FBXW11: variants seen among roughly 807,000 people sequenced by gnomAD.
FBXW11 encodes F-box/WD repeat-containing protein 11.
In FBXW11, 19 loss-of-function variants were observed where a neutral mutation model predicts 77.6. The ratio of observed to expected loss-of-function variants is 0.24; its 90% confidence interval spans 0.17 to 0.36. The LOEUF is 0.36. Ranked by LOEUF, FBXW11 falls within the 10% of genes least tolerant of loss-of-function variation. The probability of loss-of-function intolerance (pLI) is 1.00; values close to 1 mark genes in which losing one functional copy is unlikely to be tolerated. For missense variants in FBXW11, 334 were observed against 704.2 expected, an observed-to-expected ratio of 0.47 and a Z score of 5.95; for synonymous variants, 235 against 249.4, an observed-to-expected ratio of 0.94 and a Z score of 0.54.
At chr5:171,885,702 G>T (rs1265499598) in intron 7 of FBXW11, among the ~76,000 whole-genome samples, 2 of 152,098 alleles carry the variant, frequency 1.3e-5, no homozygotes, top group Non-Finnish European at 2.9e-5. Flanking sequence ...TTCAAAGATT[G>T]AACTATTTAA....
At chr5:171,973,303 T>G (rs1764636829) in intron 1 of FBXW11, among the ~76,000 whole-genome samples, 1 of 151,952 alleles carries the variant, frequency 6.6e-6, no homozygotes, top group Non-Finnish European at 1.5e-5. Context: ...CTTCAATAAA[T>G]AAATGGCAAG....
chr5:171,920,925 C>G (rs373575131), intron 2 of FBXW11, among the ~76,000 whole-genome samples: 3 of 151,968 alleles, frequency 2.0e-5, no homozygotes, highest in East Asian at 1.9e-4. Context: ...TATATAAAAC[C>G]AAACAAAACC....
At chr5:171,966,872 G>GTAC (rs1561731027) in intron 1 of FBXW11, among the ~76,000 whole-genome samples, 2 of 152,074 alleles carry the variant, frequency 1.3e-5, no homozygotes, top group Non-Finnish European at 2.9e-5. Flanking sequence ...TGGCTATACC[G>GTAC]TACTCATTAA....
In FBXW11 at chr5:171,876,204, G is replaced by C. The variant is rs1001779542; in HGVS notation, c.1221+81C>G. The C allele has an allele frequency of 2.6e-6, 4 of 1,532,612 alleles. No individual in the cohort carries two copies. The African/African-American group carries it at 5.4e-5, about 21-fold the overall frequency. The allele number at this position is 1,532,612 out of a possible 1,614,324, so 94.9% of individuals were successfully genotyped here. On this transcript the variant is annotated intron_variant, in intron 9 of 13. Coordinates refer to ENST00000517395, the MANE Select transcript of FBXW11 (RefSeq NM_001378974.1). The surrounding 1 kb of genome is among the most constrained non-coding windows in gnomAD (Gnocchi z 4.2). Reference sequence around the variant, plus strand: ...AGAATAAAGATCTTGCCAGGTACCAGGTTGGTATAAGCCACCTCTGCTTTG... The same window carrying C: ...AGAATAAAGATCTTGCCAGGTACCACGTTGGTATAAGCCACCTCTGCTTTG...
In FBXW11 at chr5:171,890,791, G is replaced by C. The variant is rs1027041268; in HGVS notation, c.852+676C>G. On this transcript the variant is annotated intron_variant, in intron 7 of 13. Transcript: ENST00000517395. ...AAAAGCCCAGGATAAGAAACGGGCA[G>C]GACAAGGGAATTGGGGGAATGAGAG... is the stretch of plus-strand genomic sequence containing the variant. Among the ~76,000 whole-genome samples, 7 of 152,198 alleles carry C rather than the reference G, an allele frequency of 4.6e-5. No homozygotes were observed. The East Asian group carries it at 5.8e-4, about 13-fold the overall frequency.
At chr5:171,890,387 G>T (rs1007818740) in intron 7 of FBXW11, among the ~76,000 whole-genome samples, 2 of 151,678 alleles carry the variant, frequency 1.3e-5, no homozygotes, top group Non-Finnish European at 2.9e-5. Flanking sequence ...GCTGGGCGTG[G>T]TGCCACATGC....
At chr5:171,990,172 T>TA (rs1287376424) in intron 1 of FBXW11, among the ~76,000 whole-genome samples, 1 of 147,734 alleles carries the variant, frequency 6.8e-6, no homozygotes, top group Non-Finnish European at 1.5e-5. Context: ...GGGAGGGGGG[T>TA]AGCAGAGAAA....
chr5:171,972,996 C>T (rs890144219), intron 1 of FBXW11, among the ~76,000 whole-genome samples: 12 of 152,174 alleles, frequency 7.9e-5, no homozygotes, highest in East Asian at 3.8e-4. Context: ...CTCAGAAGAA[C>T]GCATATGCAC....
At position 171,904,939 on chromosome 5, in the gene FBXW11, T is replaced by C. The variant is rs183663535; in HGVS notation, c.437-4839A>G. 3.9e-4 allele frequency among the ~76,000 whole-genome samples: 59 copies of C among 152,294 alleles called. No homozygotes were observed. Among genetic ancestry groups the C allele is most frequent in the African/African-American group, 1.3e-3 (56 of 41,584 alleles). On this transcript the variant is annotated intron_variant, in intron 4 of 13. Coordinates refer to ENST00000517395, the MANE Select transcript of FBXW11 (RefSeq NM_001378974.1). This position sits in a 1 kb window ranked among gnomAD's most constrained non-coding sequence, Gnocchi z 4.0. ...ATTAGGAACTATTGGTTTATAGCAA[T>C]GATATCCCTTTTAGTCCTCTTTGAT... is the stretch of plus-strand genomic sequence containing the variant.
At position 171,878,553 on chromosome 5, in the gene FBXW11, A is replaced by AGTGTGTGTGTGTGT. The variant is rs34933781; in HGVS notation, c.853-425_853-424insACACACACACACAC. Among the ~76,000 whole-genome samples, 982 of 105,434 alleles carry AGTGTGTGTGTGTGT rather than the reference A, an allele frequency of 9.3e-3. 32 individuals are homozygous for AGTGTGTGTGTGTGT. Among genetic ancestry groups the AGTGTGTGTGTGTGT allele is most frequent in the African/African-American group, 0.029 (791 of 27,544 alleles). 69.2% of individuals were successfully genotyped at this position (105,434 alleles called of 152,430 possible). ...AACATACCAAGCCAATCTCCATAAGAGTGTGTGAGTGTGTGTGTGTGTGTG... is the reference window on the plus strand; with the variant it reads ...AACATACCAAGCCAATCTCCATAAGAGTGTGTGTGTGTGTGTGTGTGAGTGTGTGTGTGTGTGTG... On this transcript the variant is annotated intron_variant, in intron 7 of 13. Coordinates refer to ENST00000517395, the MANE Select transcript of FBXW11 (RefSeq NM_001378974.1).
intron 4 of FBXW11, among the ~76,000 whole-genome samples, chr5:171,905,599 CTT>C (rs11365906): frequency 0.1 from 12,135 of 117,062 alleles, 954 homozygotes; most frequent in East Asian, 0.26. Context: ...ACCCCCCCCC[CTT>C]TATTTTCTTG....
chr5:171,997,321 G>A (rs1041204388), intron 1 of FBXW11, among the ~76,000 whole-genome samples: 1 of 152,186 alleles, frequency 6.6e-6, no homozygotes, highest in Non-Finnish European at 1.5e-5. Context: ...CCAAATGAGA[G>A]CAGCTAAAAA....
rs540958052 is a variant in FBXW11 at position 172,001,472 on chromosome 5, A to G, written c.45+4986T>C. Among the ~76,000 whole-genome samples, 5 of 152,334 alleles carry G rather than the reference A, an allele frequency of 3.3e-5. No individual in the cohort carries two copies. The East Asian group carries it at 7.7e-4, about 23-fold the overall frequency. On this transcript the variant is annotated intron_variant, in intron 1 of 13. Coordinates refer to ENST00000517395, the MANE Select transcript of FBXW11 (RefSeq NM_001378974.1). ...TCAACCCAACATTTCCTGAAAGCCT[A>G]CCACAAAGAAGACACCGTGTGTATG...
At chr5:171,887,609 C>G (rs1330332211) in intron 7 of FBXW11, among the ~76,000 whole-genome samples, 1 of 151,684 alleles carries the variant, frequency 6.6e-6, no homozygotes, top group African/African-American at 2.4e-5. Flanking sequence ...TGTGAAGAAA[C>G]AATCTGCATG....
At chr5:171,968,321 A>G (rs111858773) in intron 1 of FBXW11, among the ~76,000 whole-genome samples, 6,831 of 152,078 alleles carry the variant, frequency 0.045, 263 homozygotes, top group South Asian at 0.2. Flanking sequence ...AGCCGGGCAC[A>G]GTGGCAGGCA....
intron 1 of FBXW11, among the ~76,000 whole-genome samples, chr5:171,996,458 G>A (rs1766054515): frequency 1.3e-5 from 2 of 152,266 alleles, no homozygotes; most frequent in South Asian, 2.1e-4. Flanking sequence ...TTCGAGCCCA[G>A]GAGTTCAAGA....
chr5:171,949,926 A>G (rs1298150878), intron 2 of FBXW11, among the ~76,000 whole-genome samples: 2 of 152,192 alleles, frequency 1.3e-5, no homozygotes, highest in Non-Finnish European at 2.9e-5. Context: ...CAAGTTAGCA[A>G]CCTAAATGTG....
chr5:171,965,870 G>C (rs377614959), intron 1 of FBXW11, among the ~76,000 whole-genome samples: 284 of 152,190 alleles, frequency 1.9e-3, no homozygotes, highest in Middle Eastern at 3.4e-3. Context: ...CAGGGGAGGG[G>C]CCTGGTAGGA....
At chr5:171,870,947 C>A in intron 10 of FBXW11, 89 bp from the exon 11 acceptor site, 2 of 811,114 alleles carry the variant, frequency 2.5e-6, no homozygotes, top group East Asian at 2.5e-5. Context: ...CATACAGATA[C>A]AATTTTTCAC....
Sources: allele counts gnomAD v4.1 joint callset (sites outside exome capture counted in the v4.1 genomes callset), GRCh38; gene constraint gnomAD v4.1.1; non-coding constraint Gnocchi (gnomAD v3.1); transcripts MANE v1.5; gene names NCBI Gene and HGNC (gene_info 2026-07-23, HGNC 2026-07-21).